Variants in SATB2 observed in about 807,000 individuals in gnomAD.
SATB2 encodes SATB homeobox 2.
In SATB2, 1 loss-of-function variant was observed where a neutral mutation model predicts 73.4. The observed-to-expected ratio is 0.01, with a 90% CI of 0.00 to 0.06. The LOEUF (loss-of-function observed/expected upper bound fraction) is 0.06, where lower values mean the gene tolerates loss of function less well. Ranked by LOEUF, SATB2 falls within the 10% of genes least tolerant of loss-of-function variation. The pLI is 1.00. For missense variants in SATB2, 459 were observed against 945.8 expected (o/e 0.49, Z 6.75); for synonymous variants, 397 against 367.0 (o/e 1.08, Z -0.93).
chr2:199,448,555 C>T (rs957673166), intron 2 of SATB2, among the ~76,000 whole-genome samples: 2 of 152,178 alleles, frequency 1.3e-5, no homozygotes, highest in Non-Finnish European at 2.9e-5. Flanking sequence ...CTACGACAAA[C>T]CCCTGCAAAT....
chr2:199,439,974 A>G (rs1691766260), intron 2 of SATB2, among the ~76,000 whole-genome samples: 1 of 152,062 alleles, frequency 6.6e-6, no homozygotes, highest in Non-Finnish European at 1.5e-5. Flanking sequence ...ACATGGTGGC[A>G]GGCGCCTGTA....
Position 199,463,901 on chromosome 2 carries a change from C to T in SATB2, c.-141+935G>A, listed in dbSNP as rs943410973. On this transcript the variant is annotated intron_variant, in intron 1 of 11. Coordinates refer to the SATB2 transcript ENST00000260926. This position sits in a 1 kb window ranked among gnomAD's most constrained non-coding sequence, Gnocchi z 6.4. The stretch of plus-strand genomic sequence containing the variant: ...GTAGGGGCAGGCAAGCTCAGGCAGC[C>T]GGGTGCAAGGGGGCCCAAACCGCAG... Among the ~76,000 whole-genome samples the T allele has an allele frequency of 3.3e-5, 5 of 152,302 alleles. No homozygotes were observed. The highest frequency in any genetic ancestry group is 1.2e-4 in the African/African-American group (5 of 41,590).
At chr2:199,430,012 T>C (rs1691453961) in intron 3 of SATB2, among the ~76,000 whole-genome samples, 1 of 152,114 alleles carries the variant, frequency 6.6e-6, no homozygotes. Context: ...ACAAATTAAA[T>C]CAAACAAGCA....
chr2:199,394,327 T>C (rs748483460), intron 3 of SATB2, among the ~76,000 whole-genome samples: 2 of 152,174 alleles, frequency 1.3e-5, no homozygotes, highest in Non-Finnish European at 2.9e-5. Context: ...ATTATCTGAT[T>C]ATAAATACTA....
chr2:199,297,255 A>G (rs1681360450), intron 10 of SATB2, among the ~76,000 whole-genome samples: 1 of 152,176 alleles, frequency 6.6e-6, no homozygotes, highest in South Asian at 2.1e-4. Flanking sequence ...AAATAGTAAA[A>G]TTTGCAAATG....
intron 3 of SATB2, among the ~76,000 whole-genome samples, chr2:199,409,050 T>C (rs1690725266): frequency 6.6e-6 from 1 of 152,144 alleles, no homozygotes; most frequent in South Asian, 2.1e-4. Context: ...GTTATTTTAA[T>C]GGTGATCTAT....
At chr2:199,331,406 T>C (rs1688187406) in intron 7 of SATB2, among the ~76,000 whole-genome samples, 1 of 152,174 alleles carries the variant, frequency 6.6e-6, no homozygotes, top group Admixed American at 6.6e-5. Context: ...TGGAATATAC[T>C]GTTTCCTCTG....
chr2:199,335,520 CT>C (rs904274865), intron 7 of SATB2, among the ~76,000 whole-genome samples: 2 of 152,178 alleles, frequency 1.3e-5, no homozygotes, highest in Non-Finnish European at 1.5e-5. Flanking sequence ...ACTATAAAAC[CT>C]TCCTCCCATG....
At chr2:199,296,768 G>A (rs1340513750) in intron 10 of SATB2, among the ~76,000 whole-genome samples, 1 of 152,112 alleles carries the variant, frequency 6.6e-6, no homozygotes, top group Non-Finnish European at 1.5e-5. Flanking sequence ...CTCATCCAAG[G>A]TCACACACTC....
At chr2:199,425,341 T>TA (rs1272098519) in intron 3 of SATB2, among the ~76,000 whole-genome samples, 35 of 152,340 alleles carry the variant, frequency 2.3e-4, no homozygotes, top group African/African-American at 8.4e-4. Context: ...TTAGGCAGTT[T>TA]AAAAAATATA....
At chr2:199,319,376 C>T (rs190574215) in intron 9 of SATB2, among the ~76,000 whole-genome samples, 1 of 152,240 alleles carries the variant, frequency 6.6e-6, no homozygotes, top group East Asian at 1.9e-4. Flanking sequence ...TCACCAGAGA[C>T]CCCCCTGGTT....
intron 10 of SATB2, among the ~76,000 whole-genome samples, chr2:199,276,453 A>C (rs1248286327): frequency 6.6e-6 from 1 of 152,180 alleles, no homozygotes; most frequent in Non-Finnish European, 1.5e-5. Context: ...TCTCTGTCCC[A>C]AGCAAGTGCC....
intron 7 of SATB2, among the ~76,000 whole-genome samples, chr2:199,344,920 C>T (rs1318575233): frequency 6.6e-6 from 1 of 152,154 alleles, no homozygotes; most frequent in South Asian, 2.1e-4. Flanking sequence ...CTCTAAACTT[C>T]GCCAGTCTTC....
chr2:199,469,862 G>A (rs1487249560), upstream of SATB2: 1 of 152,396 alleles, frequency 6.6e-6, no homozygotes, highest in Non-Finnish European at 1.5e-5. Flanking sequence ...ACATTTTTCC[G>A]GAAAGTGGGA....
chr2:199,347,804 C>A (rs184508564), intron 7 of SATB2: 2 of 152,142 alleles, frequency 1.3e-5, no homozygotes, highest in Non-Finnish European at 2.9e-5. Context: ...GTTAGCTCCC[C>A]GAGATTATGC....
rs1345293092 is a variant in SATB2, at chr2:199,388,855, G to A, written c.347-7035C>T. On this transcript the variant is annotated intron_variant, in intron 3 of 10. Transcript: ENST00000417098. Reference sequence around the variant, plus strand: ...ATACCAACTGCTGATGAGGCTCCTTGTAAAAATAGGAGAACTCATGACATT... The same window carrying A: ...ATACCAACTGCTGATGAGGCTCCTTATAAAAATAGGAGAACTCATGACATT... Among the ~76,000 whole-genome samples, 3 of 152,076 alleles carry A rather than the reference G, an allele frequency of 2.0e-5. No homozygotes were observed. The East Asian group carries it at 5.8e-4, about 29-fold the overall frequency.
chr2:199,312,418 G>C (rs1257289714), intron 9 of SATB2, among the ~76,000 whole-genome samples: 1 of 152,136 alleles, frequency 6.6e-6, no homozygotes, highest in Admixed American at 6.5e-5. Flanking sequence ...TTTACAGTCT[G>C]GTAAAACTAG....
intron 2 of SATB2, among the ~76,000 whole-genome samples, chr2:199,454,039 T>C (rs2105954719): frequency 6.6e-6 from 1 of 152,202 alleles, no homozygotes; most frequent in East Asian, 1.9e-4. Flanking sequence ...TAATTTTAGT[T>C]TATATTAAAC....
intron 2 of SATB2, among the ~76,000 whole-genome samples, chr2:199,454,371 C>T (rs1378134409): frequency 1.3e-5 from 2 of 152,238 alleles, no homozygotes; most frequent in East Asian, 3.9e-4. Context: ...CAAACATTTT[C>T]AGCACTTAGC....
Sources: allele counts gnomAD v4.1 joint callset (sites outside exome capture counted in the v4.1 genomes callset), GRCh38; gene constraint gnomAD v4.1.1; non-coding constraint Gnocchi (gnomAD v3.1); transcripts MANE v1.5; gene names NCBI Gene and HGNC (gene_info 2026-07-23, HGNC 2026-07-21).